Variants in EXT2 observed in about 807,000 individuals in gnomAD.
EXT2 encodes the protein exostosin glycosyltransferase 2.
In EXT2, 53 loss-of-function variants were observed where a neutral mutation model predicts 81.6. The ratio of observed to expected loss-of-function variants is 0.65; its 90% CI spans 0.52 to 0.82. The LOEUF (loss-of-function observed/expected upper bound fraction) is 0.82, where lower values mean the gene tolerates loss of function less well. EXT2 is among the 40% of genes least tolerant of loss of function. EXT2 has a pLI of 0.00. For missense variants in EXT2, 774 were observed against 910.2 expected, an observed-to-expected ratio of 0.85 and a Z score of 1.93; for synonymous variants, 320 against 340.0, an observed-to-expected ratio of 0.94 and a Z score of 0.65.
intron 7 of EXT2, among the ~76,000 whole-genome samples, chr11:44,147,256 A>G (rs1015107224): frequency 5.3e-5 from 8 of 152,228 alleles, no homozygotes; most frequent in African/African-American, 1.7e-4. Flanking sequence ...TTAAAATTAT[A>G]GAATTGTAGT....
chr11:44,238,206 T>C (rs1955992793), intron 13 of EXT2, among the ~76,000 whole-genome samples: 1 of 152,166 alleles, frequency 6.6e-6, no homozygotes, highest in Admixed American at 6.5e-5. Flanking sequence ...TTTATTATTA[T>C]TATTAAGAGA....
At chr11:44,130,873 C>T (rs998519674) in intron 7 of EXT2, among the ~76,000 whole-genome samples, 6 of 152,216 alleles carry the variant, frequency 3.9e-5, no homozygotes, top group Admixed American at 1.3e-4. Context: ...CTCAGCAGTA[C>T]GTGCGTAAGT....
chr11:44,197,082 A>T (rs1260071774), intron 8 of EXT2, among the ~76,000 whole-genome samples: 1 of 152,152 alleles, frequency 6.6e-6, no homozygotes, highest in East Asian at 1.9e-4. Flanking sequence ...GTAGATTTTT[A>T]GCCTGTATTT....
intron 7 of EXT2, among the ~76,000 whole-genome samples, chr11:44,148,056 T>C (rs1954744689): frequency 6.6e-6 from 1 of 152,144 alleles, no homozygotes; most frequent in South Asian, 2.1e-4. Flanking sequence ...TTCAAGATTC[T>C]TAGTGCATGA....
rs568309669 is a variant in EXT2 at position 44,248,111 on chromosome 11, G to A, written c.*3824G>A. Among the ~76,000 whole-genome samples the A allele has an allele frequency of 1.5e-4, 23 of 152,286 alleles. No homozygotes were observed. In the South Asian group the frequency reaches 2.1e-3, roughly 14 times the overall value. ...CAGCCACCCATCATGAGCCTGGTGTGTTTCCTTTGCTTTGTAGCTCCTTTG... is the reference window on the plus strand; with the variant it reads ...CAGCCACCCATCATGAGCCTGGTGTATTTCCTTTGCTTTGTAGCTCCTTTG... On this transcript the variant is annotated 3_prime_UTR_variant, in exon 14 of 14. Transcript: ENST00000533608.
chr11:44,219,406 C>T (rs568441489), intron 10 of EXT2, among the ~76,000 whole-genome samples: 52 of 152,034 alleles, frequency 3.4e-4, no homozygotes, highest in African/African-American at 1.3e-3. Context: ...CCCAGCTACT[C>T]AGGAGGCTGA....
chr11:44,109,243 C>T lies in EXT2; in HGVS notation c.586C>T (p.Pro196Ser), dbSNP rs1429828657. The T allele has an allele frequency of 6.2e-7, 1 of 1,613,990 alleles. No individual in the cohort carries two copies. Among genetic ancestry groups the T allele is most frequent in the Non-Finnish European group, 8.5e-7 (1 of 1,179,950 alleles). ...GTTGTTCAACATGTTGCCTGGAGGT[C>T]CCCCAGATTATAACACAGCCCTGGA... ...HLLFNMLPGG[P>S]PDYNTALDVP... Residue 196 changes from proline (P) to serine (S), a missense_variant, in exon 3 of 14, where the codon CCC (proline) becomes TCC (serine). This residue lies in a region of EXT2 where 626 missense variants were observed against 670.5 expected (regional missense o/e 0.93). Transcript: ENST00000533608.
At chr11:44,184,640 A>G (rs1295016763) in intron 8 of EXT2, among the ~76,000 whole-genome samples, 3 of 152,138 alleles carry the variant, frequency 2.0e-5, no homozygotes, top group East Asian at 3.9e-4. Flanking sequence ...GGTCCTAGCT[A>G]CTCGGGAGGC....
intron 9 of EXT2, among the ~76,000 whole-genome samples, chr11:44,206,448 G>A (rs968845586): frequency 3.3e-5 from 5 of 152,134 alleles, no homozygotes; most frequent in African/African-American, 1.2e-4. Flanking sequence ...TGGTCGAGTC[G>A]TTTTGCTTCT....
intron 10 of EXT2, among the ~76,000 whole-genome samples, chr11:44,228,841 A>C (rs780402401): frequency 3.5e-4 from 54 of 152,306 alleles, no homozygotes; most frequent in Admixed American, 2.3e-3. Context: ...CAACTGAGCC[A>C]ATAATAGTAA....
chr11:44,132,316 C>G (rs961644222), intron 7 of EXT2, among the ~76,000 whole-genome samples: 2 of 152,158 alleles, frequency 1.3e-5, no homozygotes, highest in African/African-American at 4.8e-5. Context: ...CTGAGATAAG[C>G]TTGGTCATTT....
chr11:44,232,892 T>A (rs1955915697), intron 11 of EXT2, among the ~76,000 whole-genome samples: 1 of 152,216 alleles, frequency 6.6e-6, no homozygotes, highest in Non-Finnish European at 1.5e-5. Context: ...AACAGTTACT[T>A]GTTAGCATAA....
intron 12 of EXT2, among the ~76,000 whole-genome samples, chr11:44,234,840 T>C (rs1472091731): frequency 1.3e-5 from 2 of 152,338 alleles, no homozygotes; most frequent in East Asian, 1.9e-4. Flanking sequence ...TCCCTAGATA[T>C]GTAGAGAAGG....
intron 10 of EXT2, among the ~76,000 whole-genome samples, chr11:44,218,553 G>C (rs974176016): frequency 1.3e-5 from 2 of 152,138 alleles, no homozygotes; most frequent in African/African-American, 2.4e-5. Context: ...GCAGAGACTG[G>C]AGATTGTGCT....
At chr11:44,189,942 T>C (rs1006196702) in intron 8 of EXT2, among the ~76,000 whole-genome samples, 7 of 152,190 alleles carry the variant, frequency 4.6e-5, no homozygotes, top group Non-Finnish European at 1.0e-4. Context: ...TTTGGGGCTG[T>C]AGAGGTTTAA....
chr11:44,109,213 C>T lies in EXT2; in HGVS notation c.556C>T (p.His186Tyr). The T allele has an allele frequency of 1.2e-6, 2 of 1,614,124 alleles. No individual in the cohort carries two copies. Among genetic ancestry groups the T allele is most frequent in the Non-Finnish European group, 1.7e-6 (2 of 1,180,006 alleles). ...QLSRWDRGTN[H>Y]LLFNMLPGGP... is the part of the protein sequence containing the mutation. ...TGACAGGTGGGATCGAGGTACGAAT[C>T]ACCTGTTGTTCAACATGTTGCCTGG... The change falls in exon 3 of 14, where the codon CAC (histidine) becomes TAC (tyrosine). Residue 186 changes from histidine (H) to tyrosine (Y), a missense_variant. His to Tyr is a moderately conservative substitution (Grantham distance 83). Coordinates refer to ENST00000533608, the MANE Select transcript of EXT2 (RefSeq NM_207122.2).
At position 44,150,303 on chromosome 11, in the gene EXT2, T is replaced by A. The variant is rs201271437; in HGVS notation, c.1173+20165T>A. The stretch of plus-strand genomic sequence containing the variant: ...TAATTGTGTTTGTTAATATTAAAAC[T>A]TTTTTTTTCCTTTTCACTACATATG... On this transcript the variant is annotated intron_variant, in intron 7 of 13. Transcript: ENST00000533608. Among the ~76,000 whole-genome samples the A allele has an allele frequency of 1.8e-3, 3 of 1,652 alleles. No individual in the cohort carries two copies. The Admixed American group carries it at 0.05, about 28-fold the overall frequency. The allele number at this position is 1,652 out of a possible 152,430, so 1.1% of individuals were successfully genotyped here.
chr11:44,222,247 A>G (rs1266179892), intron 10 of EXT2, among the ~76,000 whole-genome samples: 1 of 152,186 alleles, frequency 6.6e-6, no homozygotes, highest in African/African-American at 2.4e-5. Flanking sequence ...TGGAGAGGGA[A>G]GGAAGAAACT....
chr11:44,213,010 A>G (rs1474655803), intron 10 of EXT2, among the ~76,000 whole-genome samples: 1 of 152,228 alleles, frequency 6.6e-6, no homozygotes, highest in Non-Finnish European at 1.5e-5. Flanking sequence ...TCAATGAATT[A>G]TACCTTTAAA....
Sources: allele counts gnomAD v4.1 joint callset (sites outside exome capture counted in the v4.1 genomes callset), GRCh38; gene constraint gnomAD v4.1.1; regional missense constraint gnomAD v4.1.1; transcripts MANE v1.5; gene names NCBI Gene and HGNC (gene_info 2026-07-23, HGNC 2026-07-21).